Variants in PDE1C observed in about 807,000 individuals in gnomAD.
PDE1C encodes phosphodiesterase 1C.
PDE1C carries 62 observed loss-of-function variants against 93.1 expected under a neutral mutation model. The observed-to-expected ratio is 0.67, with a 90% CI of 0.54 to 0.82. The LOEUF (loss-of-function observed/expected upper bound fraction) is 0.82, where lower values mean the gene tolerates loss of function less well. Ranked by LOEUF, PDE1C falls within the 40% of genes least tolerant of loss-of-function variation. The pLI, the probability that PDE1C is intolerant of heterozygous loss-of-function variation, is 0.00. For missense variants in PDE1C, 742 were observed against 884.6 expected, an observed-to-expected ratio of 0.84 and a Z score of 2.04; for synonymous variants, 325 against 310.1, an observed-to-expected ratio of 1.05 and a Z score of -0.50.
At chr7:32,053,029 T>C (rs546241926) in intron 1 of PDE1C, among the ~76,000 whole-genome samples, 32 of 152,352 alleles carry the variant, frequency 2.1e-4, no homozygotes, top group African/African-American at 7.5e-4. Flanking sequence ...TCCATGTTTA[T>C]ATTATATCAC....
chr7:32,245,968 C>CTTTTTTTTTTTT (rs369247468), intron 1 of PDE1C, among the ~76,000 whole-genome samples: 3 of 94,808 alleles, frequency 3.2e-5, no homozygotes, highest in Admixed American at 1.2e-4. Context: ...TTTTTCTTTT[C>CTTTTTTTTTTTT]TTTTTTTTTT....
chr7:31,692,300 T>C, the PDE1C span: 5 of 644,126 alleles, frequency 7.8e-6, no homozygotes, highest in Non-Finnish European at 1.0e-5. Flanking sequence ...CAGGATTGGA[T>C]TGGGAACACA....
intron 1 of PDE1C, among the ~76,000 whole-genome samples, chr7:32,280,344 C>T (rs1204620116): frequency 1.3e-5 from 2 of 151,908 alleles, no homozygotes; most frequent in Admixed American, 1.3e-4. Context: ...AACTGAAATA[C>T]AAGAAGAAAT....
chr7:31,717,859 T>A, the PDE1C span, among the ~76,000 whole-genome samples: 3 of 152,132 alleles, frequency 2.0e-5, no homozygotes, highest in African/African-American at 7.2e-5. Context: ...ATCTCCGCCC[T>A]GGGCCAGTAG....
the PDE1C span, among the ~76,000 whole-genome samples, chr7:31,638,657 T>C: frequency 3.9e-5 from 6 of 152,248 alleles, no homozygotes; most frequent in East Asian, 9.6e-4. Flanking sequence ...TTATTTCCAA[T>C]GAGAAATCTG....
chr7:32,314,822 T>A (rs1375534122), intron 1 of PDE1C, among the ~76,000 whole-genome samples: 1 of 151,980 alleles, frequency 6.6e-6, no homozygotes, highest in East Asian at 1.9e-4. Flanking sequence ...AGCTATTTGC[T>A]GAAATGACCT....
intron 1 of PDE1C, among the ~76,000 whole-genome samples, chr7:32,235,900 A>C (rs1344115979): frequency 6.6e-6 from 1 of 152,132 alleles, no homozygotes; most frequent in Non-Finnish European, 1.5e-5. Context: ...TTTAAGACTT[A>C]AGCTACAGTA....
chr7:32,348,222 T>C (rs1341093648), intron 1 of PDE1C, among the ~76,000 whole-genome samples: 1 of 152,148 alleles, frequency 6.6e-6, no homozygotes, highest in African/African-American at 2.4e-5. Flanking sequence ...GGCCATAGCT[T>C]AAAGATAGAA....
At chr7:31,760,049 C>T (rs6945316) in intron 17 of PDE1C, among the ~76,000 whole-genome samples, 1 of 151,902 alleles carries the variant, frequency 6.6e-6, no homozygotes. Context: ...TATTAGTCTA[C>T]TGGAAACCAA....
At chr7:31,945,227 C>A (rs1328497384) in intron 2 of PDE1C, among the ~76,000 whole-genome samples, 1 of 152,044 alleles carries the variant, frequency 6.6e-6, no homozygotes, top group Non-Finnish European at 1.5e-5. Context: ...GCTATGATAA[C>A]CCAAAACATT....
At chr7:31,861,113 G>A (rs188727924) in intron 7 of PDE1C, among the ~76,000 whole-genome samples, 1 of 152,164 alleles carries the variant, frequency 6.6e-6, no homozygotes, top group Admixed American at 6.6e-5. Context: ...CAGAGTGAAT[G>A]GTCATTTCTC....
At chr7:32,280,213 C>A (rs996567031) in intron 1 of PDE1C, among the ~76,000 whole-genome samples, 5 of 152,006 alleles carry the variant, frequency 3.3e-5, no homozygotes, top group Admixed American at 2.6e-4. Context: ...GTGGTAAATA[C>A]CATTTAGTGG....
At chr7:31,621,035 A>G in the PDE1C span, among the ~76,000 whole-genome samples, 30 of 152,076 alleles carry the variant, frequency 2.0e-4, no homozygotes, top group South Asian at 8.3e-4. Context: ...AATGAAATGA[A>G]GCAAGAAGGG....
chr7:32,158,325 A>G (rs1180416076), intron 3 of PDE1C, among the ~76,000 whole-genome samples: 1 of 152,160 alleles, frequency 6.6e-6, no homozygotes, highest in Non-Finnish European at 1.5e-5. Context: ...GAGGACAAGC[A>G]TGTCTGTAGC....
chr7:31,805,873 T>C (rs900263244), intron 16 of PDE1C, among the ~76,000 whole-genome samples: 2 of 151,854 alleles, frequency 1.3e-5, no homozygotes, highest in Non-Finnish European at 2.9e-5. Flanking sequence ...TAGGGCTCAT[T>C]TCATTTATTT....
intron 1 of PDE1C, among the ~76,000 whole-genome samples, chr7:32,346,512 A>G (rs1419247623): frequency 6.6e-6 from 1 of 152,208 alleles, no homozygotes; most frequent in Non-Finnish European, 1.5e-5. Flanking sequence ...AGGTGCCTGT[A>G]AGGGTCTACA....
intron 6 of PDE1C, among the ~76,000 whole-genome samples, chr7:31,869,663 C>A: frequency 6.6e-6 from 1 of 151,958 alleles, no homozygotes; most frequent in East Asian, 1.9e-4. Flanking sequence ...GACTCTAATA[C>A]AATAATAGTT....
intron 1 of PDE1C, among the ~76,000 whole-genome samples, chr7:32,379,146 C>T (rs548836466): frequency 6.6e-6 from 1 of 152,196 alleles, no homozygotes; most frequent in African/African-American, 2.4e-5. Flanking sequence ...TGAGAGAAGG[C>T]TCATGCTCCC....
At chr7:32,131,852 C>T (rs1027345805) in intron 3 of PDE1C, among the ~76,000 whole-genome samples, 1 of 152,044 alleles carries the variant, frequency 6.6e-6, no homozygotes, top group Non-Finnish European at 1.5e-5. Flanking sequence ...ACAACAGAGA[C>T]TCTAACTTCA....
Sources: gnomAD v4.1 joint callset for allele counts (sites outside exome capture counted in the v4.1 genomes callset) on GRCh38, gnomAD v4.1.1 for gene constraint, MANE v1.5 for transcripts, NCBI Gene and HGNC (gene_info 2026-07-23, HGNC 2026-07-21) for gene names.